FMN1: variants seen among roughly 807,000 people sequenced by gnomAD.
FMN1 encodes the protein formin 1, also known as formin-1.
FMN1 carries 110 observed loss-of-function variants against 132.4 expected under a neutral mutation model. The ratio of observed to expected loss-of-function variants is 0.83; its 90% confidence interval spans 0.71 to 0.97. FMN1 has a LOEUF of 0.97. Among genes scored for constraint, FMN1 ranks in the 50% least tolerant of loss-of-function variants. The pLI is 0.00. For missense variants in FMN1, 1,792 were observed against 1,705.3 expected (o/e 1.05, Z -0.90); for synonymous variants, 722 against 651.7 (o/e 1.11, Z -1.64).
intron 18 of FMN1, among the ~76,000 whole-genome samples, chr15:32,803,481 G>C (rs1327055734): frequency 6.6e-6 from 1 of 152,168 alleles, no homozygotes; most frequent in Non-Finnish European, 1.5e-5. Context: ...TATTGAGAGA[G>C]TGAGCGAGCA....
At chr15:32,951,156 CAT>C (rs565393065) in intron 9 of FMN1, among the ~76,000 whole-genome samples, 3 of 152,192 alleles carry the variant, frequency 2.0e-5, no homozygotes, top group East Asian at 1.9e-4. Context: ...GGTCATTCTA[CAT>C]ATGTTTATTT....
chr15:32,865,082 G>C (rs1444388292), intron 16 of FMN1, among the ~76,000 whole-genome samples: 1 of 152,194 alleles, frequency 6.6e-6, no homozygotes, highest in African/African-American at 2.4e-5. Flanking sequence ...CGGATTAGTA[G>C]TGGCTGAGGA....
chr15:33,007,947 C>G (rs2034503615), intron 7 of FMN1, 67 bp downstream of exon 7: 1 of 1,355,518 alleles, frequency 7.4e-7, no homozygotes, highest in Non-Finnish European at 1.0e-6. Context: ...GGAATATTTA[C>G]TTCAGCATAG....
chr15:32,839,929 G>A (rs988156017), intron 17 of FMN1, among the ~76,000 whole-genome samples: 2 of 84,926 alleles, frequency 2.4e-5, no homozygotes, highest in African/African-American at 9.3e-5. Context: ...TTGATGGGAG[G>A]GAGATCTACA....
chr15:32,898,619 T>C (rs141143549), intron 15 of FMN1, among the ~76,000 whole-genome samples: 3 of 152,180 alleles, frequency 2.0e-5, no homozygotes, highest in African/African-American at 7.2e-5. Context: ...TTATAGTCGA[T>C]TGAGACTCAG....
At chr15:33,087,266 G>A (rs1228554867) in intron 5 of FMN1, among the ~76,000 whole-genome samples, 2 of 152,254 alleles carry the variant, frequency 1.3e-5, no homozygotes, top group Non-Finnish European at 2.9e-5. Context: ...GGAGAAGGTA[G>A]CTGGATGTGG....
intron 17 of FMN1, among the ~76,000 whole-genome samples, chr15:32,852,671 T>C (rs2059034861): frequency 6.6e-6 from 1 of 152,232 alleles, no homozygotes; most frequent in South Asian, 2.1e-4. Context: ...ACTTGTCCAA[T>C]ATTTTTTTAT....
chr15:32,891,750 T>C (rs1170936815), intron 15 of FMN1, among the ~76,000 whole-genome samples: 1 of 152,194 alleles, frequency 6.6e-6, no homozygotes, highest in Non-Finnish European at 1.5e-5. Context: ...GTTTTCCTTG[T>C]GGAGGTCTTT....
chr15:33,033,304 A>G (rs531968422), intron 6 of FMN1, among the ~76,000 whole-genome samples: 90 of 152,160 alleles, frequency 5.9e-4, no homozygotes, highest in Non-Finnish European at 1.0e-3. Flanking sequence ...TGCTGGGATT[A>G]CAGGCGTGAG....
At chr15:32,848,046 T>C (rs1351583047) in intron 17 of FMN1, among the ~76,000 whole-genome samples, 1 of 152,050 alleles carries the variant, frequency 6.6e-6, no homozygotes, top group African/African-American at 2.4e-5. Flanking sequence ...TTTGGCATAT[T>C]CATAAAAGTG....
intron 6 of FMN1, among the ~76,000 whole-genome samples, chr15:33,044,745 T>C (rs549990302): frequency 6.6e-6 from 1 of 152,218 alleles, no homozygotes; most frequent in East Asian, 1.9e-4. Flanking sequence ...CCCAAGGGTC[T>C]TCTCTCTGCT....
chr15:33,021,277 G>A (rs1027491607), intron 6 of FMN1, among the ~76,000 whole-genome samples: 6 of 152,154 alleles, frequency 3.9e-5, no homozygotes, highest in Admixed American at 2.6e-4. Flanking sequence ...GCTTGTTACC[G>A]AAAGCTGCTG....
chr15:32,856,986 G>A (rs371401743), intron 17 of FMN1, 29 bp downstream of exon 17: 69 of 1,490,532 alleles, frequency 4.6e-5, no homozygotes, highest in Middle Eastern at 3.4e-4. Flanking sequence ...TCAGGGCCAC[G>A]TGTATGTGCG....
At chr15:32,867,769 GC>G (rs2059427188) in intron 16 of FMN1, among the ~76,000 whole-genome samples, 1 of 152,206 alleles carries the variant, frequency 6.6e-6, no homozygotes. Flanking sequence ...GGGATTACAG[GC>G]GTGAGCCACC....
chr15:33,012,107 C>G (rs1385383203), intron 6 of FMN1: 3 of 420,130 alleles, frequency 7.1e-6, no homozygotes. Context: ...TGTCTCTCTT[C>G]CCACTGCTGT....
chr15:32,918,878 A>T (rs2060749682), intron 10 of FMN1, among the ~76,000 whole-genome samples: 1 of 152,178 alleles, frequency 6.6e-6, no homozygotes, highest in Non-Finnish European at 1.5e-5. Flanking sequence ...GGAATGCAGA[A>T]TGGTTTAGAA....
chr15:32,781,774 C>A (rs955713569), intron 19 of FMN1, among the ~76,000 whole-genome samples: 2 of 152,208 alleles, frequency 1.3e-5, no homozygotes, highest in African/African-American at 4.8e-5. Context: ...TCAATTTCCT[C>A]ATCTCTTTAA....
rs1290189630 is a variant in FMN1, at chr15:32,804,449, G to T, written c.3929-117C>A. 7 of 142,440 alleles carry T rather than the reference G, an allele frequency of 4.9e-5. 2 individuals are homozygous for T. The highest frequency in any genetic ancestry group is 6.7e-5 in the Non-Finnish European group (5 of 74,092). 8.8% of individuals were successfully genotyped at this position (142,440 alleles called of 1,614,324 possible). On this transcript the variant is annotated intron_variant, in intron 17 of 20. Transcript: ENST00000616417. ...GGAGGTCTGAATTCGGGGGGGGGGG[G>T]GGGGGGTAGCCTGTAACACATGTCC... is the stretch of plus-strand genomic sequence containing the variant.
chr15:32,883,521 A>AAG (rs1252134063), intron 16 of FMN1, among the ~76,000 whole-genome samples: 1 of 144,056 alleles, frequency 6.9e-6, no homozygotes, highest in Non-Finnish European at 1.5e-5. Context: ...AAAAAAAAAA[A>AAG]AAAAAAAAAA....
Sources: allele counts gnomAD v4.1 joint callset (sites outside exome capture counted in the v4.1 genomes callset), GRCh38; gene constraint gnomAD v4.1.1; transcripts MANE v1.5; gene names NCBI Gene and HGNC (gene_info 2026-07-23, HGNC 2026-07-21).